Variants in PPM1B observed in about 807,000 individuals in gnomAD.
PPM1B encodes the protein protein phosphatase 1B.
PPM1B carries 22 observed loss-of-function variants against 43.0 expected under a neutral mutation model. The observed-to-expected ratio is 0.51, with a 90% confidence interval of 0.37 to 0.73. The LOEUF is 0.73. Ranked by LOEUF, PPM1B falls within the 30% of genes least tolerant of loss-of-function variation. PPM1B has a pLI of 0.00. For synonymous variants in PPM1B, 217 were observed against 197.9 expected (o/e 1.10, Z -0.81); for missense variants, 632 against 584.2 (o/e 1.08, Z -0.84).
At chr2:44,171,295 C>T (rs1269440087) in intron 1 of PPM1B, among the ~76,000 whole-genome samples, 2 of 152,098 alleles carry the variant, frequency 1.3e-5, no homozygotes, top group South Asian at 2.1e-4. Flanking sequence ...TTACTAAATT[C>T]CTTAAGATTA....
At chr2:44,192,880 T>C (rs1558401036) in intron 1 of PPM1B, among the ~76,000 whole-genome samples, 1 of 152,264 alleles carries the variant, frequency 6.6e-6, no homozygotes, top group Non-Finnish European at 1.5e-5. Context: ...ATCCATGTTG[T>C]TGTAAATGAC....
chr2:44,239,976 G>GCA (rs1670712285), intron 5 of PPM1B, among the ~76,000 whole-genome samples: 1 of 112,538 alleles, frequency 8.9e-6, no homozygotes, highest in African/African-American at 2.8e-5. Flanking sequence ...CATCTAGCAG[G>GCA]TATACATTGT....
intron 2 of PPM1B, among the ~76,000 whole-genome samples, chr2:44,207,165 A>G (rs914851238): frequency 6.6e-6 from 1 of 152,158 alleles, no homozygotes; most frequent in Non-Finnish European, 1.5e-5. Flanking sequence ...ACTGCCTTCA[A>G]ACTTTACTCC....
At chr2:44,196,156 C>G (rs1316531957) in intron 1 of PPM1B, among the ~76,000 whole-genome samples, 1 of 152,148 alleles carries the variant, frequency 6.6e-6, no homozygotes, top group Non-Finnish European at 1.5e-5. Context: ...TAGTTTTAAC[C>G]TAATGTCCTT....
chr2:44,216,786 G>T (rs1669738649), intron 3 of PPM1B, among the ~76,000 whole-genome samples: 1 of 151,960 alleles, frequency 6.6e-6, no homozygotes, highest in African/African-American at 2.4e-5. Flanking sequence ...TTAGCTGGGT[G>T]TGGTGGCACA....
chr2:44,189,499 C>T (rs1016381247), intron 1 of PPM1B, among the ~76,000 whole-genome samples: 1 of 151,972 alleles, frequency 6.6e-6, no homozygotes, highest in African/African-American at 2.4e-5. Flanking sequence ...TCGAGAGCCT[C>T]TGTTGCCAGG....
At chr2:44,177,787 ATT>A (rs200012517) in intron 1 of PPM1B, among the ~76,000 whole-genome samples, 1 of 143,024 alleles carries the variant, frequency 7.0e-6, no homozygotes, top group Non-Finnish European at 1.5e-5. Flanking sequence ...CATATACAGA[ATT>A]TTTTTTTTTT....
Position 44,230,715 on chromosome 2 carries a change from A to G in PPM1B, c.1437A>G (p.Ile479Met), listed in dbSNP as rs763170636. ...DAGTKMSGEKI is the reference protein window; with the variant it reads ...DAGTKMSGEKM ...GGACAAAGATGAGTGGTGAAAAAAT[A>G]TGACTTTCCTTTTTGGTAATATTTT... The change falls in exon 6 of 6, where the codon ATA (isoleucine) becomes ATG (methionine). Residue 479 changes from isoleucine (I) to methionine (M), a missense_variant. Around this residue, in one of 3 missense-constraint regions of PPM1B, gnomAD observed 392 missense variants for 302.7 expected, o/e 1.29. Transcript: ENST00000282412. 9.4e-6 allele frequency: 15 copies of G among 1,603,028 alleles called. No individual in the cohort carries two copies. The highest frequency in any genetic ancestry group is 1.7e-5 in the Admixed American group (1 of 59,312).
intron 1 of PPM1B, among the ~76,000 whole-genome samples, chr2:44,188,830 C>T (rs1439032830): frequency 4.2e-5 from 6 of 143,574 alleles, no homozygotes; most frequent in African/African-American, 1.3e-4. Context: ...CCTACCTCCT[C>T]CCCCTCCCGC....
chr2:44,183,359 C>G (rs1308115959), intron 1 of PPM1B, among the ~76,000 whole-genome samples: 2 of 152,196 alleles, frequency 1.3e-5, no homozygotes, highest in East Asian at 1.9e-4. Flanking sequence ...CACATTTTGC[C>G]TTGAACATTC....
intron 1 of PPM1B, among the ~76,000 whole-genome samples, chr2:44,184,967 G>A (rs1363647972): frequency 1.4e-5 from 2 of 146,444 alleles, no homozygotes; most frequent in African/African-American, 2.5e-5. Context: ...TTATTAGACC[G>A]GCCACTAGAT....
At chr2:44,222,624 A>G (rs1670025533) in intron 5 of PPM1B, among the ~76,000 whole-genome samples, 1 of 152,156 alleles carries the variant, frequency 6.6e-6, no homozygotes, top group Non-Finnish European at 1.5e-5. Context: ...CATGAGACTT[A>G]CAGAGATGAG....
At chr2:44,189,630 A>G (rs1432357319) in intron 1 of PPM1B, among the ~76,000 whole-genome samples, 1 of 151,788 alleles carries the variant, frequency 6.6e-6, no homozygotes, top group Non-Finnish European at 1.5e-5. Flanking sequence ...CGCCTGGCTA[A>G]TTTTTTGTAT....
At chr2:44,234,975 A>C (rs1265683979), downstream of PPM1B, among the ~76,000 whole-genome samples, 1 of 152,186 alleles carries the variant, frequency 6.6e-6, no homozygotes, top group East Asian at 1.9e-4. Flanking sequence ...GAAGTGTGGT[A>C]TGGCCCGATG....
chr2:44,213,149 A>T lies in PPM1B; in HGVS notation c.964+3822A>T, dbSNP rs180795325. Among the ~76,000 whole-genome samples the T allele has an allele frequency of 2.1e-4, 31 of 147,112 alleles. No homozygotes were observed. In the Middle Eastern group the frequency reaches 0.011, roughly 52 times the overall value. ...TTTCCACTTTCAACCCTGAGAAGCT[A>T]AGTATCATAATCTTAATATAACCTT... is the stretch of plus-strand genomic sequence containing the variant. On this transcript the variant is annotated intron_variant, in intron 3 of 5. Transcript: ENST00000282412.
At chr2:44,178,450 A>ATGTG (rs1193096840) in intron 1 of PPM1B, among the ~76,000 whole-genome samples, 32 of 129,640 alleles carry the variant, frequency 2.5e-4, no homozygotes, top group African/African-American at 7.7e-4. Context: ...TATTTTATAT[A>ATGTG]TGTATATATA....
chr2:44,177,137 C>A (rs2104003083), intron 1 of PPM1B, among the ~76,000 whole-genome samples: 1 of 152,200 alleles, frequency 6.6e-6, no homozygotes, highest in East Asian at 1.9e-4. Context: ...TGCTGATATG[C>A]AAGAGAACTT....
intron 2 of PPM1B, among the ~76,000 whole-genome samples, chr2:44,204,229 A>C (rs1460075414): frequency 6.6e-6 from 1 of 152,210 alleles, no homozygotes; most frequent in Admixed American, 6.5e-5. Flanking sequence ...TTAACTTCGT[A>C]ATTTTGTCTT....
downstream of PPM1B, chr2:44,234,047 A>C: frequency 3.1e-6 from 3 of 973,816 alleles, no homozygotes; most frequent in Non-Finnish European, 2.4e-6. Context: ...CTAAATAAAG[A>C]ATTGATAAAA....
Sources: allele counts gnomAD v4.1 joint callset (sites outside exome capture counted in the v4.1 genomes callset), GRCh38; gene constraint gnomAD v4.1.1; regional missense constraint gnomAD v4.1.1; transcripts MANE v1.5; gene names NCBI Gene and HGNC (gene_info 2026-07-23, HGNC 2026-07-21).